NUBPL: variants seen among roughly 807,000 people sequenced by gnomAD.
NUBPL encodes the protein iron-sulfur cluster transfer protein NUBPL.
In NUBPL, 31 loss-of-function variants were observed where a neutral mutation model predicts 45.7. That is an observed-to-expected ratio of 0.68 (90% CI 0.51 to 0.92). NUBPL has a LOEUF of 0.92. Ranked by LOEUF, NUBPL falls within the 40% of genes least tolerant of loss-of-function variation. The probability of loss-of-function intolerance (pLI) is 0.00; values close to 1 mark genes in which losing one functional copy is unlikely to be tolerated. For synonymous variants in NUBPL, 144 were observed against 140.9 expected (o/e 1.02, Z -0.15); for missense variants, 401 against 398.7 (o/e 1.01, Z -0.05).
intron 6 of NUBPL, among the ~76,000 whole-genome samples, chr14:31,679,968 T>C (rs2036791947): frequency 6.6e-6 from 1 of 152,178 alleles, no homozygotes; most frequent in South Asian, 2.1e-4. Context: ...GATATATCTT[T>C]TATGTAATTT....
At chr14:31,585,841 CA>C (rs1370848242) in intron 3 of NUBPL, among the ~76,000 whole-genome samples, 1 of 152,120 alleles carries the variant, frequency 6.6e-6, no homozygotes, top group African/African-American at 2.4e-5. Context: ...TACTGGCTGA[CA>C]TAGAATTTAA....
At chr14:31,825,821 T>C (rs58111082) in intron 7 of NUBPL, among the ~76,000 whole-genome samples, 66 of 135,992 alleles carry the variant, frequency 4.9e-4, no homozygotes, top group Non-Finnish European at 6.8e-4. Context: ...TCCTCCTCCT[T>C]CTTCTTCTTC....
chr14:31,768,256 TGAA>T (rs1343869756), intron 6 of NUBPL, among the ~76,000 whole-genome samples: 3 of 152,264 alleles, frequency 2.0e-5, no homozygotes, highest in Non-Finnish European at 2.9e-5. Flanking sequence ...TAGATAGCTC[TGAA>T]GAAGAAGTAA....
intron 7 of NUBPL, among the ~76,000 whole-genome samples, chr14:31,820,016 T>C (rs976522942): frequency 3.3e-5 from 5 of 151,770 alleles, no homozygotes; most frequent in African/African-American, 1.2e-4. Context: ...GGCGGGTGCC[T>C]GTAGTCCCAG....
At chr14:31,817,452 G>A (rs954417785) in intron 7 of NUBPL, among the ~76,000 whole-genome samples, 1 of 152,246 alleles carries the variant, frequency 6.6e-6, no homozygotes, top group African/African-American at 2.4e-5. Context: ...CCCACAAAGG[G>A]AAGCCCATCA....
chr14:31,680,694 G>C (rs2036811643), intron 6 of NUBPL, among the ~76,000 whole-genome samples: 1 of 151,920 alleles, frequency 6.6e-6, no homozygotes, highest in Non-Finnish European at 1.5e-5. Flanking sequence ...GGTGAATGTG[G>C]TATTCGCATA....
chr14:31,621,525 C>T (rs1362019955), intron 4 of NUBPL, among the ~76,000 whole-genome samples: 3 of 152,182 alleles, frequency 2.0e-5, no homozygotes, highest in Non-Finnish European at 4.4e-5. Context: ...CTCACCACTT[C>T]CCTTGGCTGG....
In NUBPL at chr14:31,783,515, C is replaced by CTT. The variant is rs71430995; in HGVS notation, c.514-4248_514-4247dup. ...GTTCCTTGGAACCTTAATAGCAGTT[C>CTT]TTTTTTTTTTTTTTTTTTCTCTGAG... On this transcript the variant is annotated intron_variant, in intron 6 of 10. Coordinates refer to ENST00000281081, the MANE Select transcript of NUBPL (RefSeq NM_025152.3). 1.4e-3 allele frequency among the ~76,000 whole-genome samples: 176 copies of CTT among 129,200 alleles called. 2 individuals are homozygous for CTT. Among genetic ancestry groups the CTT allele is most frequent in the South Asian group, 7.7e-3 (30 of 3,878 alleles). 84.8% of individuals were successfully genotyped at this position (129,200 alleles called of 152,430 possible). A position where few individuals can be genotyped will look rare whatever the true frequency, so the allele number is the denominator to read the frequency against.
At chr14:31,647,614 C>T (rs2035891341) in intron 4 of NUBPL, among the ~76,000 whole-genome samples, 1 of 152,224 alleles carries the variant, frequency 6.6e-6, no homozygotes, top group African/African-American at 2.4e-5. Context: ...TCTGATTTGG[C>T]ATTTCCTTTG....
intron 4 of NUBPL, among the ~76,000 whole-genome samples, chr14:31,644,473 T>C (rs2139711708): frequency 6.6e-6 from 1 of 152,302 alleles, no homozygotes; most frequent in East Asian, 1.9e-4. Flanking sequence ...TGGTGTCTCC[T>C]ATTAGTAGTT....
At chr14:31,629,655 T>A (rs772013895) in intron 4 of NUBPL, among the ~76,000 whole-genome samples, 55 of 152,204 alleles carry the variant, frequency 3.6e-4, no homozygotes, top group Middle Eastern at 6.8e-3. Flanking sequence ...ATATAGGAGA[T>A]CAGAGAATGA....
At chr14:31,624,565 T>A (rs1052994656) in intron 4 of NUBPL, among the ~76,000 whole-genome samples, 1 of 152,106 alleles carries the variant, frequency 6.6e-6, no homozygotes, top group African/African-American at 2.4e-5. Flanking sequence ...AAGACTTTAT[T>A]TATTTATTTA....
chr14:31,719,571 T>C (rs2037764236), intron 6 of NUBPL, among the ~76,000 whole-genome samples: 1 of 152,202 alleles, frequency 6.6e-6, no homozygotes, highest in Non-Finnish European at 1.5e-5. Flanking sequence ...AGTCTGGTCC[T>C]GTCACTTCCC....
intron 4 of NUBPL, among the ~76,000 whole-genome samples, chr14:31,600,934 G>A (rs1265510464): frequency 9.9e-5 from 15 of 151,754 alleles, no homozygotes; most frequent in African/African-American, 3.4e-4. Flanking sequence ...TTTTGTATAA[G>A]GTGTAAGGAA....
chr14:31,833,102 T>C (rs1446434204), intron 8 of NUBPL, among the ~76,000 whole-genome samples: 4 of 152,200 alleles, frequency 2.6e-5, no homozygotes, highest in African/African-American at 9.7e-5. Flanking sequence ...GCGTGGTGGC[T>C]CATGCCTGTA....
chr14:31,813,847 C>A (rs143497170), intron 7 of NUBPL, among the ~76,000 whole-genome samples: 27 of 152,190 alleles, frequency 1.8e-4, no homozygotes, highest in African/African-American at 5.5e-4. Context: ...CATCCATGTC[C>A]CTACAAAGAA....
chr14:31,822,645 T>C (rs1006998487), intron 7 of NUBPL, among the ~76,000 whole-genome samples: 1 of 152,056 alleles, frequency 6.6e-6, no homozygotes, highest in Non-Finnish European at 1.5e-5. Context: ...GACTTAATCA[T>C]TAATTAAGAA....
At chr14:31,726,255 ACCGATAG>A (rs2037922583) in intron 6 of NUBPL, among the ~76,000 whole-genome samples, 1 of 152,146 alleles carries the variant, frequency 6.6e-6, no homozygotes, top group South Asian at 2.1e-4. Flanking sequence ...TGTCCAAAGC[ACCGATAG>A]AATTATTTTA....
intron 7 of NUBPL, among the ~76,000 whole-genome samples, chr14:31,798,400 G>T (rs1447005664): frequency 6.8e-6 from 1 of 147,062 alleles, no homozygotes; most frequent in East Asian, 2.1e-4. Flanking sequence ...GGATAGTAGT[G>T]TGCATGTGGG....
Sources: gnomAD v4.1 joint callset for allele counts (sites outside exome capture counted in the v4.1 genomes callset) on GRCh38, gnomAD v4.1.1 for gene constraint, MANE v1.5 for transcripts, NCBI Gene and HGNC (gene_info 2026-07-23, HGNC 2026-07-21) for gene names.